Variants in ATAD1 observed in about 807,000 individuals in gnomAD.
ATAD1 encodes outer mitochondrial transmembrane helix translocase.
In ATAD1, 18 loss-of-function variants were observed where a neutral mutation model predicts 42.7. That is an observed-to-expected ratio of 0.42 (90% CI 0.29 to 0.63). The LOEUF (loss-of-function observed/expected upper bound fraction) is 0.63. Among genes scored for constraint, ATAD1 ranks in the 20% least tolerant of loss-of-function variants. The pLI, the probability that ATAD1 is intolerant of heterozygous loss-of-function variation, is 0.19. For missense variants in ATAD1, 294 were observed against 440.4 expected (o/e 0.67, Z 2.98); for synonymous variants, 132 against 143.1 (o/e 0.92, Z 0.55).
intron 5 of ATAD1, among the ~76,000 whole-genome samples, chr10:87,776,635 A>AT (rs199929838): frequency 6.0e-5 from 9 of 149,574 alleles, no homozygotes; most frequent in Admixed American, 2.7e-4. Flanking sequence ...TGCGGAGCTA[A>AT]TTTTTTTTTT....
At chr10:87,798,625 G>GTGTGTGTGTGTGTGTGT (rs567973402) in intron 2 of ATAD1, among the ~76,000 whole-genome samples, 63 of 124,936 alleles carry the variant, frequency 5.0e-4, no homozygotes, top group Middle Eastern at 4.1e-3. Context: ...AGCTATAGGG[G>GTGTGTGTGTGTGTGTGT]GTGTGTGTGT....
At chr10:87,827,199 G>A (rs1324374181) in intron 1 of ATAD1, among the ~76,000 whole-genome samples, 1 of 152,078 alleles carries the variant, frequency 6.6e-6, no homozygotes, top group East Asian at 1.9e-4. Flanking sequence ...TTTATATAAT[G>A]TCATAATGCT....
chr10:87,787,572 C>T (rs1855897352), intron 4 of ATAD1, among the ~76,000 whole-genome samples: 1 of 152,110 alleles, frequency 6.6e-6, no homozygotes, highest in Non-Finnish European at 1.5e-5. Flanking sequence ...GCTATGGTTA[C>T]ACACTCCAGC....
intron 2 of ATAD1, 91 bp from the exon 3 acceptor site, chr10:87,792,846 A>G: frequency 1.1e-6 from 1 of 933,792 alleles, no homozygotes; most frequent in Non-Finnish European, 1.7e-6. Context: ...AAGAGCAATG[A>G]ACAGATAGAT....
chr10:87,754,942 A>G, intron 9 of ATAD1, 135 bp from the exon 10 acceptor site: 1 of 1,056,282 alleles, frequency 9.5e-7, no homozygotes, highest in South Asian at 1.8e-5. Flanking sequence ...AGGGTATAAA[A>G]ATGAAATCTC....
intron 2 of ATAD1, among the ~76,000 whole-genome samples, chr10:87,813,207 A>G (rs918375810): frequency 2.0e-5 from 3 of 152,162 alleles, no homozygotes; most frequent in East Asian, 1.9e-4. Context: ...ATTATCTTTA[A>G]AAGTCACACC....
chr10:87,821,088 G>A (rs926391836), upstream of ATAD1, among the ~76,000 whole-genome samples: 15 of 152,148 alleles, frequency 9.9e-5, no homozygotes, highest in Admixed American at 2.6e-4. Context: ...TGTGTTTTCT[G>A]TATCAGTAAC....
chr10:87,833,727 CTT>C (rs3033524), intron 1 of ATAD1, among the ~76,000 whole-genome samples: 196 of 100,742 alleles, frequency 1.9e-3, no homozygotes, highest in African/African-American at 5.8e-3. Flanking sequence ...TCTTTCTTTC[CTT>C]TTTTTTTTTT....
chr10:87,790,429 A>G lies in ATAD1; in HGVS notation c.263T>C (p.Val88Ala), dbSNP rs1330920130. ...TAAACCTGCTATATCACTCCAAGTA[A>G]CCTGGCAAAAGTTAAGGTCAACATG... ...AHLVDPLNMH[V>A]TWSDIAGLDD... Residue 88 changes from valine to alanine, a missense_variant and splice_region_variant, in exon 4 of 10, where the codon GTT (valine) becomes GCT (alanine). Val to Ala is a moderately conservative substitution (Grantham distance 64). Coordinates refer to ENST00000680024, the MANE Select transcript of ATAD1 (RefSeq NM_001321967.2). 8 of 1,599,834 alleles carry G rather than the reference A, an allele frequency of 5.0e-6. No individual in the cohort carries two copies. The highest frequency in any genetic ancestry group is 6.8e-6 in the Non-Finnish European group (8 of 1,176,846).
upstream of ATAD1, among the ~76,000 whole-genome samples, chr10:87,821,439 G>C (rs1312274061): frequency 1.3e-5 from 2 of 152,084 alleles, no homozygotes; most frequent in Non-Finnish European, 2.9e-5. Flanking sequence ...GGCTGAGGCA[G>C]GAGAATCACT....
chr10:87,820,431 T>A (rs879694530), upstream of ATAD1, among the ~76,000 whole-genome samples: 6 of 152,164 alleles, frequency 3.9e-5, no homozygotes, highest in Non-Finnish European at 1.5e-5. Flanking sequence ...CAGTTTCAGT[T>A]TGCATGAGAC....
intron 2 of ATAD1, among the ~76,000 whole-genome samples, chr10:87,804,867 A>C (rs1488168389): frequency 6.6e-6 from 1 of 152,158 alleles, no homozygotes; most frequent in Non-Finnish European, 1.5e-5. Context: ...ATGTGCCCAG[A>C]AAAATCCCAG....
chr10:87,767,700 G>A lies in ATAD1; in HGVS notation c.804C>T (p.Ile268=), dbSNP rs759951679. Residue 268 remains isoleucine (I), a synonymous_variant, in exon 8 of 10, where the codon ATC becomes ATT. Transcript: ENST00000680024. ...TTTCATTTTTCAAGATGAGTTTCAG[G>A]ATTGCTTCTCTCTGTTTTAAAGCCT... ...NQPALKQREA[I]LKLILKNENV... 2 of 1,610,740 alleles carry A rather than the reference G, an allele frequency of 1.2e-6. No individual in the cohort carries two copies. The highest frequency in any genetic ancestry group is 1.7e-5 in the Admixed American group (1 of 59,560).
In ATAD1 at chr10:87,754,770, C is replaced by T; in HGVS notation, c.1003G>A (p.Asp335Asn). 6.2e-7 allele frequency: 1 copy of T among 1,613,652 alleles called. No individual in the cohort carries two copies. Among genetic ancestry groups the T allele is most frequent in the Non-Finnish European group, 8.5e-7 (1 of 1,179,710 alleles). Residue 335 changes from aspartate to asparagine, a missense_variant, in exon 10 of 10, where the codon GAC becomes AAC. By Grantham distance (23) the Asp-to-Asn change is conservative. This residue lies in a region of ATAD1 where 142 missense variants were observed against 174.6 expected (regional missense o/e 0.81). Coordinates refer to ENST00000680024, the MANE Select transcript of ATAD1 (RefSeq NM_001321967.2). ...ATCTTTTCAATTGCCCGATGCAGGT[C>T]CTGCTGTTGAACAGGCCGAATTTCA... is the stretch of plus-strand genomic sequence containing the variant. ...EDEIRPVQQQ[D>N]LHRAIEKMKK... is the part of the protein sequence containing the mutation.
At chr10:87,818,017 G>C (rs1196342206) in intron 1 of ATAD1, 150 bp downstream of exon 1, 1 of 985,728 alleles carries the variant, frequency 1.0e-6, no homozygotes, top group Non-Finnish European at 1.2e-6. Context: ...TAAGGGCTGC[G>C]GGGCGCTTGG....
At chr10:87,820,966 A>G (rs1663713979), upstream of ATAD1, among the ~76,000 whole-genome samples, 1 of 152,212 alleles carries the variant, frequency 6.6e-6, no homozygotes, top group South Asian at 2.1e-4. Flanking sequence ...TATAATATTA[A>G]TCAGGAAATT....
intron 8 of ATAD1, among the ~76,000 whole-genome samples, chr10:87,764,158 T>C (rs1854624580): frequency 6.6e-6 from 1 of 151,440 alleles, no homozygotes; most frequent in Non-Finnish European, 1.5e-5. Context: ...GCATCTGTAG[T>C]GGCTATAAAA....
rs1589514584 is a variant in ATAD1, at chr10:87,790,196, A to C, written c.382+114T>G. The C allele has an allele frequency of 1.1e-5, 13 of 1,225,828 alleles. No homozygotes were observed. In the East Asian group the frequency reaches 3.3e-4, roughly 31 times the overall value. 75.9% of individuals were successfully genotyped at this position (1,225,828 alleles called of 1,614,324 possible). A position where few individuals can be genotyped will look rare whatever the true frequency, so the allele number is the denominator to read the frequency against. On this transcript the variant is annotated intron_variant, in intron 4 of 9. Coordinates refer to ENST00000680024, the MANE Select transcript of ATAD1 (RefSeq NM_001321967.2). The stretch of plus-strand genomic sequence containing the variant: ...TTATTTTAAGAAACTGTTCACATAG[A>C]TCTCAGCATCCTCTTGAGAATCTGA...
At position 87,753,501 on chromosome 10, in the gene ATAD1, A is replaced by G. The variant is rs1256666703; in HGVS notation, c.*1186T>C. ...CCTCATGCTGCGTGGTTAGGTGCCTATAACAGAATTCTGGTTAGTAAAATT... is the reference window on the plus strand; with the variant it reads ...CCTCATGCTGCGTGGTTAGGTGCCTGTAACAGAATTCTGGTTAGTAAAATT... On this transcript the variant is annotated 3_prime_UTR_variant, in exon 10 of 10. Transcript: ENST00000680024. The G allele has an allele frequency of 2.0e-5, 3 of 152,278 alleles. No homozygotes were observed. The highest frequency in any genetic ancestry group is 2.1e-4 in the South Asian group (1 of 4,838). 9.4% of individuals were successfully genotyped at this position (152,278 alleles called of 1,614,324 possible). A position where few individuals can be genotyped will look rare whatever the true frequency, so the allele number is the denominator to read the frequency against.
Sources: allele counts gnomAD v4.1 joint callset (sites outside exome capture counted in the v4.1 genomes callset), GRCh38; gene constraint gnomAD v4.1.1; regional missense constraint gnomAD v4.1.1; transcripts MANE v1.5; gene names NCBI Gene and HGNC (gene_info 2026-07-23, HGNC 2026-07-21).